Variants in RAB2A observed in about 807,000 individuals in gnomAD.
RAB2A encodes the protein RAB2A, member RAS oncogene family.
RAB2A carries 7 observed loss-of-function variants against 32.5 expected under a neutral mutation model. The observed-to-expected ratio is 0.22, with a 90% CI of 0.12 to 0.40. The LOEUF is 0.40. Among genes scored for constraint, RAB2A ranks in the 10% least tolerant of loss-of-function variants. The pLI, the probability that RAB2A is intolerant of heterozygous loss-of-function variation, is 1.00. For missense variants in RAB2A, 108 were observed against 260.7 expected, an observed-to-expected ratio of 0.41 and a Z score of 4.03; for synonymous variants, 79 against 85.2, an observed-to-expected ratio of 0.93 and a Z score of 0.40.
Position 60,558,912 on chromosome 8 carries a change from A to C in RAB2A, c.107A>C (p.Asp36Ala). ...GACAAGAGGTTTCAGCCAGTGCATG[A>C]CCTTACTATTGGTAAGTTTTATAAA... ...FTDKRFQPVH[D>A]LTIGVEFGAR... Residue 36 changes from aspartate to alanine, a missense_variant, in exon 2 of 8, where the codon GAC (aspartate) becomes GCC (alanine). Transcript: ENST00000262646. 1 of 1,611,606 alleles carries C rather than the reference A, an allele frequency of 6.2e-7. No individual in the cohort carries two copies.
At chr8:60,603,524 G>A (rs182014913) in intron 6 of RAB2A, among the ~76,000 whole-genome samples, 80 of 152,286 alleles carry the variant, frequency 5.3e-4, no homozygotes, top group African/African-American at 1.2e-3. Context: ...GGGAAAAGAG[G>A]CAACGTGGTA....
At chr8:60,616,319 G>T (rs558823849) in intron 6 of RAB2A, among the ~76,000 whole-genome samples, 1 of 152,182 alleles carries the variant, frequency 6.6e-6, no homozygotes, top group South Asian at 2.1e-4. Flanking sequence ...AATAACTTTT[G>T]TAGTATAAAA....
At chr8:60,578,621 G>A (rs1456443086) in intron 3 of RAB2A, among the ~76,000 whole-genome samples, 1 of 152,176 alleles carries the variant, frequency 6.6e-6, no homozygotes. Context: ...TGATTCTCAA[G>A]AGCTTAGGAC....
chr8:60,573,811 C>T (rs1808229925), intron 3 of RAB2A, among the ~76,000 whole-genome samples: 1 of 152,186 alleles, frequency 6.6e-6, no homozygotes, highest in Non-Finnish European at 1.5e-5. Context: ...GAGACAGGGT[C>T]TCACTCTGTC....
chr8:60,522,252 T>C (rs1024496562), intron 1 of RAB2A, among the ~76,000 whole-genome samples: 5 of 152,126 alleles, frequency 3.3e-5, no homozygotes, highest in Non-Finnish European at 7.3e-5. Flanking sequence ...TCAGGGACTA[T>C]TGGTTGAAAT....
intron 1 of RAB2A, among the ~76,000 whole-genome samples, chr8:60,553,890 G>A (rs1807895127): frequency 1.3e-5 from 2 of 152,246 alleles, no homozygotes; most frequent in Middle Eastern, 3.4e-3. Context: ...GGTATATGAA[G>A]CTTTGAGTTG....
In RAB2A at chr8:60,548,575, C is replaced by A. The variant is rs1418331583; in HGVS notation, c.47-10277C>A. ...GGCCGGGCAGAGGGGATCCTCACTT[C>A]CCAGCAGGGGCGGCCAGGCAGAGGC... On this transcript the variant is annotated intron_variant, in intron 1 of 7. Coordinates refer to ENST00000262646, the MANE Select transcript of RAB2A (RefSeq NM_002865.3). Among the ~76,000 whole-genome samples the A allele has an allele frequency of 5.1e-5, 7 of 137,456 alleles. No individual in the cohort carries two copies. In the South Asian group the frequency reaches 1.7e-3, roughly 33 times the overall value. The allele number at this position is 137,456 out of a possible 152,430, so 90.2% of individuals were successfully genotyped here.
chr8:60,579,253 G>C (rs1269841922), intron 3 of RAB2A, among the ~76,000 whole-genome samples: 1 of 152,152 alleles, frequency 6.6e-6, no homozygotes, highest in East Asian at 1.9e-4. Context: ...ATGTTGGCCA[G>C]GCTGGTCTGG....
chr8:60,616,969 A>ATTTGT (rs1804458566), intron 6 of RAB2A, among the ~76,000 whole-genome samples: 1 of 152,206 alleles, frequency 6.6e-6, no homozygotes, highest in South Asian at 2.1e-4. Flanking sequence ...AAAAGGTATG[A>ATTTGT]TTTGTTCCTC....
chr8:60,527,578 A>T lies in RAB2A; in HGVS notation c.46+10325A>T, dbSNP rs75952184. Among the ~76,000 whole-genome samples the T allele has an allele frequency of 5.1e-4, 77 of 152,242 alleles. No homozygotes were observed. In the East Asian group the frequency reaches 0.014, roughly 27 times the overall value. On this transcript the variant is annotated intron_variant, in intron 1 of 7. Coordinates refer to ENST00000262646, the MANE Select transcript of RAB2A (RefSeq NM_002865.3). ...TGTGGGGATTACAATTCCAGATGAG[A>T]TTTTCATGGGGACACAGAGCCAAAC...
chr8:60,600,429 A>G (rs922918502), intron 6 of RAB2A, among the ~76,000 whole-genome samples: 1 of 152,208 alleles, frequency 6.6e-6, no homozygotes, highest in Non-Finnish European at 1.5e-5. Context: ...GAGAATGTGG[A>G]GAAACCAGAT....
chr8:60,519,408 A>G (rs77292811), intron 1 of RAB2A, among the ~76,000 whole-genome samples: 2 of 152,202 alleles, frequency 1.3e-5, no homozygotes, highest in East Asian at 3.9e-4. Context: ...GCTAGTCTCT[A>G]TTCTTAGAGT....
At chr8:60,607,026 A>G (rs1210291038) in intron 6 of RAB2A, among the ~76,000 whole-genome samples, 1 of 149,680 alleles carries the variant, frequency 6.7e-6, no homozygotes, top group Non-Finnish European at 1.5e-5. Context: ...TCACTATTAT[A>G]TGTTGTGGTG....
chr8:60,591,805 T>C, intron 5 of RAB2A, 53 bp from the exon 6 acceptor site: 2 of 1,168,282 alleles, frequency 1.7e-6, no homozygotes, highest in Non-Finnish European at 2.5e-6. Context: ...CCACAAATGC[T>C]TCTGTTTGTA....
chr8:60,538,931 C>T (rs150598394), intron 1 of RAB2A, among the ~76,000 whole-genome samples: 2 of 152,306 alleles, frequency 1.3e-5, no homozygotes, highest in African/African-American at 4.8e-5. Context: ...GATAATGATA[C>T]AGATACAATT....
chr8:60,592,478 G>A lies in RAB2A; in HGVS notation c.474+509G>A, dbSNP rs1029033405. The stretch of plus-strand genomic sequence containing the variant: ...TGGAAATGTTTCAAGACAGCAGAAC[G>A]TTTGTAGCTATTTATATCCACTTCT... On this transcript the variant is annotated intron_variant, in intron 6 of 7. Coordinates refer to ENST00000262646, the MANE Select transcript of RAB2A (RefSeq NM_002865.3). 4.6e-5 allele frequency among the ~76,000 whole-genome samples: 7 copies of A among 151,320 alleles called. No homozygotes were observed. In the East Asian group the frequency reaches 5.8e-4, roughly 13 times the overall value.
chr8:60,601,286 A>G (rs1315049689), intron 6 of RAB2A, among the ~76,000 whole-genome samples: 1 of 149,626 alleles, frequency 6.7e-6, no homozygotes, highest in African/African-American at 2.6e-5. Flanking sequence ...TGTTTAGCAT[A>G]TGCCTAGCAA....
Position 60,621,405 on chromosome 8 carries a change from T to A in RAB2A, c.*636T>A, listed in dbSNP as rs1296854964. 3.9e-5 allele frequency: 6 copies of A among 152,228 alleles called. No individual in the cohort carries two copies. Among genetic ancestry groups the A allele is most frequent in the Non-Finnish European group, 4.4e-5 (3 of 68,024 alleles). 9.4% of individuals were successfully genotyped at this position (152,228 alleles called of 1,614,324 possible). ...TGTTAACAAGCATGTTCATCTTTTC[T>A]TGTCACTAGTCCAAGAAAAATATGC... On this transcript the variant is annotated 3_prime_UTR_variant, in exon 8 of 8. Coordinates refer to ENST00000262646, the MANE Select transcript of RAB2A (RefSeq NM_002865.3).
At chr8:60,574,325 C>T (rs1053957912) in intron 3 of RAB2A, among the ~76,000 whole-genome samples, 1 of 152,150 alleles carries the variant, frequency 6.6e-6, no homozygotes, top group Non-Finnish European at 1.5e-5. Flanking sequence ...AAGGATCCAC[C>T]TATATCTTAT....
Sources: gnomAD v4.1 joint callset for allele counts (sites outside exome capture counted in the v4.1 genomes callset) on GRCh38, gnomAD v4.1.1 for gene constraint, MANE v1.5 for transcripts, NCBI Gene and HGNC (gene_info 2026-07-23, HGNC 2026-07-21) for gene names.